The following PPM1L variants were observed in gnomAD, a reference collection of about 807,000 sequenced individuals.
The protein encoded by PPM1L is protein phosphatase 1L.
Under a neutral mutation model 31.4 loss-of-function variants are expected in PPM1L, and 13 were observed. That is an observed-to-expected ratio of 0.41 (90% CI 0.27 to 0.66). The LOEUF is 0.66. Among genes scored for constraint, PPM1L ranks in the 30% least tolerant of loss-of-function variants. PPM1L has a pLI of 0.29. For missense variants in PPM1L, 326 were observed against 453.7 expected, an observed-to-expected ratio of 0.72 and a Z score of 2.56; for synonymous variants, 184 against 175.4, an observed-to-expected ratio of 1.05 and a Z score of -0.39.
chr3:160,756,526 G>T lies in PPM1L; in HGVS notation c.218G>T (p.Gly73Val). ...VAEIMQNDRL[G>V]GLDVLEAEFS... ...GAGATCATGCAGAACGATCGACTCG[G>T]GGGGCTTGATGTGCTCGAGGCCGAG... Residue 73 changes from glycine to valine, a missense_variant, in exon 1 of 4, where the codon GGG (glycine) becomes GTG (valine). This residue lies in a region of PPM1L where 83 missense variants were observed against 79.4 expected (regional missense o/e 1.04). Transcript: ENST00000498165. The surrounding 1 kb of genome is among the most constrained non-coding windows in gnomAD (Gnocchi z 6.2). 1 of 1,614,122 alleles carries T rather than the reference G, an allele frequency of 6.2e-7. No individual in the cohort carries two copies. The highest frequency in any genetic ancestry group is 8.5e-7 in the Non-Finnish European group (1 of 1,180,006).
intron 2 of PPM1L, among the ~76,000 whole-genome samples, chr3:161,050,303 G>A (rs1719231157): frequency 6.6e-6 from 1 of 152,180 alleles, no homozygotes. Context: ...TCAAGTCATT[G>A]TAGACCATGA....
At chr3:160,838,103 C>G (rs1713773018) in intron 1 of PPM1L, among the ~76,000 whole-genome samples, 1 of 152,084 alleles carries the variant, frequency 6.6e-6, no homozygotes, top group Admixed American at 6.6e-5. Context: ...TCTGATTGAC[C>G]TTAGTTCATA....
chr3:160,973,512 A>G (rs1039268314), intron 2 of PPM1L, among the ~76,000 whole-genome samples: 1 of 152,222 alleles, frequency 6.6e-6, no homozygotes, highest in Non-Finnish European at 1.5e-5. Context: ...CATTAATGGT[A>G]AGACCTTCAG....
chr3:160,946,940 A>T (rs1004045659), intron 1 of PPM1L, among the ~76,000 whole-genome samples: 1 of 152,216 alleles, frequency 6.6e-6, no homozygotes, highest in African/African-American at 2.4e-5. Context: ...AATGACTGGT[A>T]TAAGACACCC....
chr3:160,781,447 T>C (rs1003001849), intron 1 of PPM1L, among the ~76,000 whole-genome samples: 2 of 152,278 alleles, frequency 1.3e-5, no homozygotes, highest in Admixed American at 1.3e-4. Context: ...GTATATACTA[T>C]AGAAGTCCAT....
intron 2 of PPM1L, among the ~76,000 whole-genome samples, chr3:160,970,076 G>A (rs192168778): frequency 2.0e-5 from 3 of 152,006 alleles, no homozygotes; most frequent in African/African-American, 7.2e-5. Flanking sequence ...ACCTATAAAG[G>A]TCACTTGTAA....
intron 1 of PPM1L, among the ~76,000 whole-genome samples, chr3:160,789,826 T>C (rs566819010): frequency 1.3e-5 from 2 of 152,210 alleles, no homozygotes; most frequent in South Asian, 4.1e-4. Context: ...GTGTGTATAG[T>C]CTTCCCTTGG....
At chr3:160,922,050 C>T (rs1234173303) in intron 1 of PPM1L, among the ~76,000 whole-genome samples, 6 of 152,162 alleles carry the variant, frequency 3.9e-5, no homozygotes, top group African/African-American at 1.2e-4. Context: ...GTGGCTCACA[C>T]CTGTAATCCC....
intron 1 of PPM1L, among the ~76,000 whole-genome samples, chr3:160,901,657 C>G (rs775359220): frequency 6.6e-6 from 1 of 152,180 alleles, no homozygotes; most frequent in East Asian, 1.9e-4. Flanking sequence ...TTATCTCAAG[C>G]GCTTGAATAT....
chr3:160,859,453 C>A (rs1711822005), intron 1 of PPM1L, among the ~76,000 whole-genome samples: 1 of 152,124 alleles, frequency 6.6e-6, no homozygotes, highest in African/African-American at 2.4e-5. Flanking sequence ...ACTGGATATT[C>A]TCAAGAGGAA....
At chr3:160,965,812 C>T (rs2108111661) in intron 2 of PPM1L, among the ~76,000 whole-genome samples, 1 of 152,134 alleles carries the variant, frequency 6.6e-6, no homozygotes, top group South Asian at 2.1e-4. Context: ...ATCTTGGTCT[C>T]TAGAGAGGTT....
In PPM1L at chr3:161,074,603, A is replaced by G. The variant is rs1391267648; in HGVS notation, c.*5446A>G. The G allele has an allele frequency of 6.6e-6, 1 of 152,120 alleles. No homozygotes were observed. The highest frequency in any genetic ancestry group is 1.9e-4 in the East Asian group (1 of 5,198). 9.4% of individuals were successfully genotyped at this position (152,120 alleles called of 1,614,324 possible). ...GCTTCCAATAGATGCATTTCTAAACATTTTTTCTAATATGTAAATTTGCTG... is the reference window on the plus strand; with the variant it reads ...GCTTCCAATAGATGCATTTCTAAACGTTTTTTCTAATATGTAAATTTGCTG... On this transcript the variant is annotated 3_prime_UTR_variant, in exon 4 of 4. Transcript: ENST00000498165.
At chr3:160,849,918 G>A (rs188287484) in intron 1 of PPM1L, among the ~76,000 whole-genome samples, 3 of 152,218 alleles carry the variant, frequency 2.0e-5, no homozygotes, top group East Asian at 1.9e-4. Context: ...CTGATACTTC[G>A]CTTCTGGCCA....
At chr3:161,013,146 C>G (rs1384423238) in intron 2 of PPM1L, among the ~76,000 whole-genome samples, 2 of 152,154 alleles carry the variant, frequency 1.3e-5, no homozygotes, top group African/African-American at 4.8e-5. Flanking sequence ...TTCCTGCTTT[C>G]TCTTGTGGGC....
chr3:160,864,493 A>C (rs1712019315), intron 1 of PPM1L, among the ~76,000 whole-genome samples: 1 of 152,170 alleles, frequency 6.6e-6, no homozygotes, highest in Admixed American at 6.5e-5. Flanking sequence ...GTCTTCCTTG[A>C]CTACCATCTG....
At chr3:160,965,714 C>G (rs1716120743) in intron 2 of PPM1L, among the ~76,000 whole-genome samples, 2 of 152,032 alleles carry the variant, frequency 1.3e-5, no homozygotes, top group South Asian at 4.1e-4. Context: ...TGTTTAGCTT[C>G]TTTCTATTCT....
intron 1 of PPM1L, among the ~76,000 whole-genome samples, chr3:160,834,771 T>G (rs975098232): frequency 2.6e-5 from 4 of 152,206 alleles, no homozygotes; most frequent in African/African-American, 7.2e-5. Flanking sequence ...CTTGTTCCTT[T>G]TCATTTCCGT....
intron 2 of PPM1L, among the ~76,000 whole-genome samples, chr3:160,970,448 T>C (rs1716291711): frequency 1.9e-5 from 1 of 52,712 alleles, no homozygotes; most frequent in African/African-American, 7.8e-5. Context: ...AAGCTGAATA[T>C]TTTTTTTTTT....
Position 161,025,163 on chromosome 3 carries a change from A to G in PPM1L, c.575-40240A>G, listed in dbSNP as rs946023334. Among the ~76,000 whole-genome samples, 4 of 152,284 alleles carry G rather than the reference A, an allele frequency of 2.6e-5. No homozygotes were observed. The South Asian group carries it at 6.2e-4, about 24-fold the overall frequency. On this transcript the variant is annotated intron_variant, in intron 2 of 3. Transcript: ENST00000498165. ...GGTGCTATGGTTTGAATGTTTTCTC[A>G]CCAAAACTGAGGTGTTGCCTGTGTG... is the stretch of plus-strand genomic sequence containing the variant.
Sources: allele counts gnomAD v4.1 joint callset (sites outside exome capture counted in the v4.1 genomes callset), GRCh38; gene constraint gnomAD v4.1.1; regional missense constraint gnomAD v4.1.1; non-coding constraint Gnocchi (gnomAD v3.1); transcripts MANE v1.5; gene names NCBI Gene and HGNC (gene_info 2026-07-23, HGNC 2026-07-21).